The following NPAT variants were observed in gnomAD, a reference collection of about 807,000 sequenced individuals.
The protein encoded by NPAT is nuclear protein, coactivator of histone transcription.
Under a neutral mutation model 130.7 loss-of-function variants are expected in NPAT, and 52 were observed. That is an observed-to-expected ratio of 0.40 (90% CI 0.32 to 0.50). The LOEUF is 0.50. Among genes scored for constraint, NPAT ranks in the 20% least tolerant of loss-of-function variants. The pLI is 0.68. For synonymous variants in NPAT, 580 were observed against 584.8 expected (o/e 0.99, Z 0.12); for missense variants, 1,687 against 1,662.6 (o/e 1.01, Z -0.26).
intron 15 of NPAT, among the ~76,000 whole-genome samples, chr11:108,166,876 A>C (rs2077907010): frequency 1.3e-5 from 2 of 152,230 alleles, no homozygotes; most frequent in Non-Finnish European, 2.9e-5. Context: ...TGCAATCTTT[A>C]CACTGTTAAA....
chr11:108,160,459 A>T (rs1591381624), intron 17 of NPAT, among the ~76,000 whole-genome samples: 1 of 152,318 alleles, frequency 6.6e-6, no homozygotes, highest in East Asian at 1.9e-4. Flanking sequence ...GTCATTTATT[A>T]CTTGGTAGTT....
chr11:108,210,919 C>T (rs2078377983), intron 1 of NPAT, among the ~76,000 whole-genome samples: 1 of 152,164 alleles, frequency 6.6e-6, no homozygotes, highest in Non-Finnish European at 1.5e-5. Context: ...GCCAATAATC[C>T]TTATGAAACT....
At chr11:108,194,077 A>G in intron 2 of NPAT, 60 bp from the exon 3 acceptor site, 2 of 908,680 alleles carry the variant, frequency 2.2e-6, no homozygotes, top group Admixed American at 1.9e-5. Flanking sequence ...AATTTCTCAC[A>G]AGAAAAGATT....
At chr11:108,207,774 G>A (rs1055701317) in intron 1 of NPAT, among the ~76,000 whole-genome samples, 1 of 152,170 alleles carries the variant, frequency 6.6e-6, no homozygotes, top group African/African-American at 2.4e-5. Flanking sequence ...AGCTGCAGCT[G>A]CACCTGGGAG....
chr11:108,177,130 A>T (rs1375863794), intron 10 of NPAT, 40 bp from the exon 11 acceptor site: 8 of 1,022,474 alleles, frequency 7.8e-6, no homozygotes, highest in Non-Finnish European at 1.2e-5. Flanking sequence ...ATTCTAACTG[A>T]ATTTATATAT....
At chr11:108,163,145 T>C (rs952295982) in intron 15 of NPAT, among the ~76,000 whole-genome samples, 1 of 152,126 alleles carries the variant, frequency 6.6e-6, no homozygotes, top group African/African-American at 2.4e-5. Flanking sequence ...AATGGCATGA[T>C]CTTGGCTCAC....
intron 2 of NPAT, among the ~76,000 whole-genome samples, chr11:108,195,260 T>G (rs1001213262): frequency 2.0e-5 from 3 of 152,238 alleles, no homozygotes; most frequent in African/African-American, 7.2e-5. Flanking sequence ...CATGTCATAA[T>G]CATGTCAAAC....
chr11:108,189,107 G>T lies in NPAT; in HGVS notation c.555C>A (p.Thr185=). 1 of 1,609,438 alleles carries T rather than the reference G, an allele frequency of 6.2e-7. No individual in the cohort carries two copies. Among genetic ancestry groups the T allele is most frequent in the Non-Finnish European group, 8.5e-7 (1 of 1,176,036 alleles). ...TAAGAGAACAAAATGTAAACTTACT[G>T]GTTACAGTATCTTGTGACTGTGAGT... ...VNHSQSQDTV[T]TGEALNVIPG... is the part of the protein sequence containing the mutation. Residue 185 remains threonine, a splice_region_variant and synonymous_variant, in exon 6 of 18, where the codon ACC becomes ACA. Transcript: ENST00000278612.
intron 4 of NPAT, among the ~76,000 whole-genome samples, chr11:108,191,624 A>C (rs2078170390): frequency 6.6e-6 from 1 of 152,222 alleles, no homozygotes; most frequent in African/African-American, 2.4e-5. Context: ...TCTGAAAGAA[A>C]GGTTAAGAGA....
chr11:108,172,037 T>C (rs2077956291), intron 13 of NPAT, 162 bp downstream of exon 13: 8 of 640,092 alleles, frequency 1.2e-5, no homozygotes, highest in South Asian at 1.9e-5. Context: ...ATAAAAAAGG[T>C]TTGAATTAGC....
Position 108,222,631 on chromosome 11 carries a change from G to T in NPAT, c.-95C>A. ...TGCGCCGCATCTCCTGGTTCCAGTG[G>T]CGGCACTGAACTCGCGGCAATTTGT... On this transcript the variant is annotated 5_prime_UTR_variant, in exon 1 of 18. Transcript: ENST00000278612. 7.3e-7 allele frequency: 1 copy of T among 1,378,902 alleles called. No homozygotes were observed. The highest frequency in any genetic ancestry group is 1.0e-6 in the Non-Finnish European group (1 of 980,550). 85.4% of individuals were successfully genotyped at this position (1,378,902 alleles called of 1,614,324 possible).
rs768652417 is a variant in NPAT, at chr11:108,161,424, A to C, written c.3662T>G (p.Leu1221Arg). 1.2e-6 allele frequency: 2 copies of C among 1,614,182 alleles called. No individual in the cohort carries two copies. Among genetic ancestry groups the C allele is most frequent in the Non-Finnish European group, 1.7e-6 (2 of 1,180,016 alleles). ...ATCCTTCACAGCTGTACCTACTGAA[A>C]GTACATTTTTATTGTTTGAAGATGT... ...QGTSSNNKNV[L>R]SVGTAVKDLK... is the part of the protein sequence containing the mutation. The change falls in exon 17 of 18, where the codon CTT (leucine) becomes CGT (arginine). Residue 1221 changes from leucine (L) to arginine (R), a missense_variant. This residue lies in a region of NPAT where 1,379 missense variants were observed against 1,346.6 expected (regional missense o/e 1.02). Coordinates refer to ENST00000278612, the MANE Select transcript of NPAT (RefSeq NM_002519.3).
intron 8 of NPAT, 107 bp from the exon 9 acceptor site, chr11:108,185,601 C>A: frequency 1.3e-6 from 1 of 772,042 alleles, no homozygotes. Context: ...TTTAATAAAC[C>A]TAAATGGAAA....
chr11:108,200,200 T>C (rs758462658), intron 1 of NPAT, among the ~76,000 whole-genome samples: 9 of 152,222 alleles, frequency 5.9e-5, no homozygotes, highest in African/African-American at 9.6e-5. Context: ...GTCCTATGAC[T>C]ACAGGGAGCT....
At chr11:108,187,841 T>A (rs1203789015) in intron 7 of NPAT, among the ~76,000 whole-genome samples, 5 of 152,180 alleles carry the variant, frequency 3.3e-5, no homozygotes, top group African/African-American at 1.2e-4. Flanking sequence ...ATTTGTAAGA[T>A]ATACCATTAT....
chr11:108,220,886 A>G (rs2078481115), intron 1 of NPAT, among the ~76,000 whole-genome samples: 1 of 152,216 alleles, frequency 6.6e-6, no homozygotes, highest in African/African-American at 2.4e-5. Flanking sequence ...GCCATGACAG[A>G]AGTCCAAAAG....
chr11:108,171,937 G>A, intron 13 of NPAT: 2 of 447,012 alleles, frequency 4.5e-6, no homozygotes, highest in Non-Finnish European at 8.1e-6. Flanking sequence ...TCTGTTTATT[G>A]TAACTTACTA....
Position 108,173,625 on chromosome 11 carries a change from A to T in NPAT, c.1359T>A (p.Phe453Leu). 6.2e-7 allele frequency: 1 copy of T among 1,614,206 alleles called. No homozygotes were observed. Among genetic ancestry groups the T allele is most frequent in the Non-Finnish European group, 8.5e-7 (1 of 1,180,030 alleles). The change falls in exon 13 of 18, where the codon TTT (phenylalanine) becomes TTA (leucine). Residue 453 changes from phenylalanine to leucine, a missense_variant. Around this residue, in one of 3 missense-constraint regions of NPAT, gnomAD observed 1,379 missense variants for 1,346.6 expected, o/e 1.02. Coordinates refer to ENST00000278612, the MANE Select transcript of NPAT (RefSeq NM_002519.3). ...TFESVPNLND[F>L]NQRGNSNAEC... ...CAGCATTAGAATTCCCTCTTTGGTT[A>T]AAGTCATTCAAATTAGGCACGGACT...
At chr11:108,163,204 C>T (rs960669895) in intron 15 of NPAT, among the ~76,000 whole-genome samples, 16 of 152,044 alleles carry the variant, frequency 1.1e-4, no homozygotes, top group African/African-American at 2.4e-4. Flanking sequence ...CTCAGCCTCC[C>T]GAGTAGCTGG....
Sources: allele counts gnomAD v4.1 joint callset (sites outside exome capture counted in the v4.1 genomes callset), GRCh38; gene constraint gnomAD v4.1.1; regional missense constraint gnomAD v4.1.1; transcripts MANE v1.5; gene names NCBI Gene and HGNC (gene_info 2026-07-23, HGNC 2026-07-21).